Variants in SELENOS observed in about 807,000 individuals in gnomAD.
SELENOS encodes VCP interacting membrane selenoprotein.
SELENOS carries 37 observed loss-of-function variants against 30.2 expected under a neutral mutation model. That is an observed-to-expected ratio of 1.23 (90% CI 0.94 to 1.61). The LOEUF is 1.61. SELENOS is among the 40% of genes most tolerant of loss of function. The pLI is 0.00. For missense variants in SELENOS, 289 were observed against 231.8 expected, an observed-to-expected ratio of 1.25 and a Z score of -1.60; for synonymous variants, 119 against 91.6, an observed-to-expected ratio of 1.30 and a Z score of -1.71.
rs1342988876 is a variant in SELENOS, at chr15:101,272,413, C to T, written c.*358G>A. ...TTGATAAGGAAGACATCATTCAACG[C>T]AACCTGTCACAGAGACTGTCCTAGC... On this transcript the variant is annotated 3_prime_UTR_variant, in exon 6 of 6. Transcript: ENST00000526049. The T allele has an allele frequency of 1.6e-5, 3 of 186,088 alleles. No individual in the cohort carries two copies. The highest frequency in any genetic ancestry group is 2.3e-5 in the African/African-American group (1 of 42,682). 11.5% of individuals were successfully genotyped at this position (186,088 alleles called of 1,614,324 possible).
downstream of SELENOS, among the ~76,000 whole-genome samples, chr15:101,271,894 A>G (rs946675105): frequency 2.0e-5 from 3 of 152,204 alleles, no homozygotes; most frequent in Non-Finnish European, 2.9e-5. Context: ...AGTCTAAAAT[A>G]TTTACTGTTT....
chr15:101,272,692 T>C lies in SELENOS; in HGVS notation c.*79A>G. ...CCCACCTCCCCTTGGCTAGTCACTG[T>C]GAAAAGCGTGCGTAAGGCAATTGAA... is the stretch of plus-strand genomic sequence containing the variant. On this transcript the variant is annotated 3_prime_UTR_variant, in exon 6 of 6. Coordinates refer to ENST00000526049, the MANE Select transcript of SELENOS (RefSeq NM_018445.6). The C allele has an allele frequency of 6.9e-7, 1 of 1,449,660 alleles. No homozygotes were observed. The highest frequency in any genetic ancestry group is 9.5e-7 in the Non-Finnish European group (1 of 1,054,934). 89.8% of individuals were successfully genotyped at this position (1,449,660 alleles called of 1,614,324 possible).
At chr15:101,276,963 G>A (rs762773656) in intron 1 of SELENOS, 16 of 524,552 alleles carry the variant, frequency 3.1e-5, no homozygotes, top group Non-Finnish European at 5.1e-5. Context: ...TCTGAATCAG[G>A]AAGGCAAAGG....
rs543345286 is a variant in SELENOS at position 101,275,252 on chromosome 15, T to G, written c.318+3A>C. 6.5e-7 allele frequency: 1 copy of G among 1,544,684 alleles called. No individual in the cohort carries two copies. The highest frequency in any genetic ancestry group is 8.7e-7 in the Non-Finnish European group (1 of 1,145,470). On this transcript the variant is annotated splice_donor_region_variant and intron_variant, in intron 3 of 5. Transcript: ENST00000526049. The stretch of plus-strand genomic sequence containing the variant: ...ACACATTCAAACTGAAACCAGTTCA[T>G]ACTTGTTTCAGTTTTTCCTTATGCT...
chr15:101,277,465 G>T lies in SELENOS; in HGVS notation c.-48C>A. The T allele has an allele frequency of 2.1e-6, 3 of 1,400,304 alleles. No homozygotes were observed. Among genetic ancestry groups the T allele is most frequent in the African/African-American group, 3.0e-5 (2 of 65,984 alleles). The allele number at this position is 1,400,304 out of a possible 1,614,324, so 86.7% of individuals were successfully genotyped here. A position where few individuals can be genotyped will look rare whatever the true frequency, so the allele number is the denominator to read the frequency against. ...CAGCCCTGCCGCCGCGCCTCCAGCCGGGCGCTTCCGGTGCGCTCCTACGCA... is the reference window on the plus strand; with the variant it reads ...CAGCCCTGCCGCCGCGCCTCCAGCCTGGCGCTTCCGGTGCGCTCCTACGCA... On this transcript the variant is annotated 5_prime_UTR_variant, in exon 1 of 6. Coordinates refer to ENST00000526049, the MANE Select transcript of SELENOS (RefSeq NM_018445.6).
chr15:101,277,093 G>C (rs568566520), intron 1 of SELENOS: 14 of 715,214 alleles, frequency 2.0e-5, no homozygotes, highest in African/African-American at 3.6e-5. Context: ...AACTACCACA[G>C]GAAGGGCTTG....
chr15:101,277,020 G>A, intron 1 of SELENOS: 1 of 552,494 alleles, frequency 1.8e-6, no homozygotes, highest in South Asian at 2.1e-5. Context: ...GGAGTCAGGA[G>A]TGTGTATGGG....
chr15:101,276,438 C>A, intron 2 of SELENOS, 103 bp downstream of exon 2: 3 of 1,317,492 alleles, frequency 2.3e-6, no homozygotes, highest in African/African-American at 3.1e-5. Context: ...TAAATAGAGA[C>A]AGGGTCTTCC....
At chr15:101,271,070 T>C (rs576385746), downstream of SELENOS, 1 of 152,354 alleles carries the variant, frequency 6.6e-6, no homozygotes, top group Non-Finnish European at 1.5e-5. Context: ...AACTCTTGTG[T>C]TGAGGGCTCT....
rs754960990 is a variant in SELENOS, at chr15:101,274,616, G to T, written c.384C>A (p.Tyr128Ter). The T allele has an allele frequency of 8.7e-5, 141 of 1,613,526 alleles. No individual in the cohort carries two copies. Among genetic ancestry groups the T allele is most frequent in the Non-Finnish European group, 1.2e-4 (137 of 1,179,808 alleles). The change falls in exon 4 of 6, where the codon TAC becomes TAA. Residue 128 changes from tyrosine to a stop codon, truncating the protein, a stop_gained. Transcript: ENST00000526049. LOFTEE classifies it high-confidence loss of function. ...MWDSMQEGKSYKGNAKKPQEE... is the reference protein window; with the variant it reads ...MWDSMQEGKS The stretch of plus-strand genomic sequence containing the variant: ...CCTGGGGCTTCTTTGCATTTCCTTT[G>T]TAACTTTTTCCTTCTTGCATGCTGT...
In SELENOS at chr15:101,274,490, TTCC is replaced by T. The variant is rs2039301671; in HGVS notation, c.411_413del (p.Glu138del). 6.2e-7 allele frequency: 1 copy of T among 1,608,268 alleles called. No individual in the cohort carries two copies. On this transcript the variant is annotated inframe_deletion and splice_region_variant, in exon 5 of 6. Coordinates refer to ENST00000526049, the MANE Select transcript of SELENOS (RefSeq NM_018445.6). The stretch of plus-strand genomic sequence containing the variant: ...ATGAAGTGGAAGGCCCAGGACTGTC[TTCC>T]TCCTGTTTGAACACACACAGTAGTG...
chr15:101,274,616 G>C lies in SELENOS; in HGVS notation c.384C>G (p.Tyr128Ter). The C allele has an allele frequency of 6.2e-7, 1 of 1,613,644 alleles. No homozygotes were observed. The highest frequency in any genetic ancestry group is 8.5e-7 in the Non-Finnish European group (1 of 1,179,800). Residue 128 changes from tyrosine (Y) to a stop codon, truncating the protein, a stop_gained, in exon 4 of 6, where the codon TAC becomes TAG. Coordinates refer to ENST00000526049, the MANE Select transcript of SELENOS (RefSeq NM_018445.6). LOFTEE classifies it high-confidence loss of function. ...MWDSMQEGKS[Y>*]KGNAKKPQEE... ...CCTGGGGCTTCTTTGCATTTCCTTT[G>C]TAACTTTTTCCTTCTTGCATGCTGT...
At chr15:101,276,762 C>T in intron 1 of SELENOS, 87 bp from the exon 2 acceptor site, 1 of 1,494,742 alleles carries the variant, frequency 6.7e-7, no homozygotes, top group Non-Finnish European at 9.0e-7. Context: ...AAGTGTAACT[C>T]CTGCCCTCAA....
chr15:101,274,260 C>T, intron 5 of SELENOS, 160 bp downstream of exon 5: 1 of 791,658 alleles, frequency 1.3e-6, no homozygotes, highest in Non-Finnish European at 2.1e-6. Flanking sequence ...TAGTGAGGAC[C>T]TAGGAGGTGA....
chr15:101,275,019 T>TC, intron 3 of SELENOS: 1 of 566,374 alleles, frequency 1.8e-6, no homozygotes, highest in Non-Finnish European at 3.1e-6. Flanking sequence ...AGCCTGTCCC[T>TC]CCTTTTGTGC....
chr15:101,274,420 C>T lies in SELENOS; in HGVS notation c.484G>A (p.Gly162Ser), dbSNP rs1053887982. The T allele has an allele frequency of 6.2e-7, 1 of 1,606,200 alleles. No individual in the cohort carries two copies. The highest frequency in any genetic ancestry group is 1.7e-5 in the Admixed American group (1 of 59,054). The part of the protein sequence containing the change: ...KSDRKPLRGG[G>S]YNPLSGEGGG... ...AACATTTGACATCAGTGGTGCTTAC[C>T]TCCTCCCCGCAAAGGCTTTCTGTCC... The change falls in exon 5 of 6, where the codon GGT (glycine) becomes AGT (serine). Residue 162 changes from glycine (G) to serine (S), a missense_variant and splice_region_variant. Coordinates refer to ENST00000526049, the MANE Select transcript of SELENOS (RefSeq NM_018445.6).
rs537507676 is a variant in SELENOS at position 101,276,954 on chromosome 15, C to A, written c.77-279G>T. ...TTTTGAAGAATGAAGAGCAACTAATCTGAATCAGGAAGGCAAAGGCCTTTC... is the reference window on the plus strand; with the variant it reads ...TTTTGAAGAATGAAGAGCAACTAATATGAATCAGGAAGGCAAAGGCCTTTC... On this transcript the variant is annotated intron_variant, in intron 1 of 5. Transcript: ENST00000526049. 4.0e-3 allele frequency: 2,123 copies of A among 526,070 alleles called. 27 individuals carry two copies. Among genetic ancestry groups the A allele is most frequent in the South Asian group, 0.022 (977 of 45,074 alleles). The allele number at this position is 526,070 out of a possible 1,614,324, so 32.6% of individuals were successfully genotyped here.
In SELENOS at chr15:101,274,615, T is replaced by G. The variant is rs374214844; in HGVS notation, c.385A>C (p.Lys129Gln). 3 of 1,613,748 alleles carry G rather than the reference T, an allele frequency of 1.9e-6. No individual in the cohort carries two copies. The highest frequency in any genetic ancestry group is 2.5e-6 in the Non-Finnish European group (3 of 1,179,828). The change falls in exon 4 of 6, where the codon AAA (lysine) becomes CAA (glutamine). Residue 129 changes from lysine to glutamine, a missense_variant. By Grantham distance (53) the Lys-to-Gln change is moderately conservative (BLOSUM62 1). Coordinates refer to ENST00000526049, the MANE Select transcript of SELENOS (RefSeq NM_018445.6). ...ACCTGGGGCTTCTTTGCATTTCCTTTGTAACTTTTTCCTTCTTGCATGCTG... is the reference window on the plus strand; with the variant it reads ...ACCTGGGGCTTCTTTGCATTTCCTTGGTAACTTTTTCCTTCTTGCATGCTG... ...WDSMQEGKSYKGNAKKPQEED... is the reference protein window; with the variant it reads ...WDSMQEGKSYQGNAKKPQEED...
At position 101,272,729 on chromosome 15, in the gene SELENOS, G is replaced by A. The variant is rs2093866194; in HGVS notation, c.*42C>T. ...GTAAGGCAATTGAATCGAGGGTTAA[G>A]GGTTCATCTTGCTAATGTCAAAAGT... is the stretch of plus-strand genomic sequence containing the variant. On this transcript the variant is annotated 3_prime_UTR_variant, in exon 6 of 6. Transcript: ENST00000526049. 2 of 1,559,796 alleles carry A rather than the reference G, an allele frequency of 1.3e-6. No individual in the cohort carries two copies. The highest frequency in any genetic ancestry group is 1.7e-6 in the Non-Finnish European group (2 of 1,147,926).
Sources: gnomAD v4.1 joint callset for allele counts (sites outside exome capture counted in the v4.1 genomes callset) on GRCh38, gnomAD v4.1.1 for gene constraint, MANE v1.5 for transcripts, NCBI Gene and HGNC (gene_info 2026-07-23, HGNC 2026-07-21) for gene names.